Variants in SLC5A11 observed in about 807,000 individuals in gnomAD.
The protein encoded by SLC5A11 is solute carrier family 5 member 11.
Under a neutral mutation model 69.8 loss-of-function variants are expected in SLC5A11, and 48 were observed. That is an observed-to-expected ratio of 0.69 (90% CI 0.55 to 0.87). SLC5A11 has a LOEUF of 0.87. Among genes scored for constraint, SLC5A11 ranks in the 40% least tolerant of loss-of-function variants. SLC5A11 has a pLI of 0.00. For synonymous variants in SLC5A11, 319 were observed against 342.4 expected, an observed-to-expected ratio of 0.93 and a Z score of 0.75; for missense variants, 784 against 866.1, an observed-to-expected ratio of 0.91 and a Z score of 1.19.
Position 24,889,614 on chromosome 16 carries a change from G to A in SLC5A11, c.665-1255G>A, listed in dbSNP as rs559016345. On this transcript the variant is annotated intron_variant, in intron 8 of 15. Transcript: ENST00000347898. ...GTCACGCAGGCTGGAATGCAGTGGC[G>A]CAATCTTGCCTCACTGCAACCTCTA... Among the ~76,000 whole-genome samples the A allele has an allele frequency of 1.7e-4, 23 of 134,868 alleles. No individual in the cohort carries two copies. In the South Asian group the frequency reaches 1.7e-3, roughly 10 times the overall value. 88.5% of individuals were successfully genotyped at this position (134,868 alleles called of 152,430 possible).
intron 8 of SLC5A11, among the ~76,000 whole-genome samples, chr16:24,884,523 T>G (rs867160782): frequency 0.018 from 2,618 of 147,766 alleles, 92 homozygotes; most frequent in African/African-American, 0.062. Context: ...GTTTTTTTTT[T>G]TTTTTTTTGT....
chr16:24,910,726 T>C, intron 15 of SLC5A11, among the ~76,000 whole-genome samples: 1 of 152,160 alleles, frequency 6.6e-6, no homozygotes, highest in African/African-American at 2.4e-5. Flanking sequence ...GAGACACGGT[T>C]GGTTCATTTC....
At chr16:24,906,521 T>A (rs1382911523) in intron 10 of SLC5A11, 136 bp from the exon 12 acceptor site, 1 of 455,360 alleles carries the variant, frequency 2.2e-6, no homozygotes, top group African/African-American at 2.0e-5. Context: ...GGTCACAGCT[T>A]ATAAAGTCTA....
rs535368678 is a variant in SLC5A11, at chr16:24,884,239, A to G, written c.664+108A>G. On this transcript the variant is annotated intron_variant, in intron 8 of 15. Transcript: ENST00000347898. ...AAACCTAGCTGTCAAAGAGCATACTACTGGGGAATTTTTTGTCACAGGTGC... is the reference window on the plus strand; with the variant it reads ...AAACCTAGCTGTCAAAGAGCATACTGCTGGGGAATTTTTTGTCACAGGTGC... 5.2e-5 allele frequency: 55 copies of G among 1,061,150 alleles called. No homozygotes were observed. In the African/African-American group the frequency reaches 6.7e-4, roughly 13 times the overall value. The allele number at this position is 1,061,150 out of a possible 1,614,324, so 65.7% of individuals were successfully genotyped here. A position where few individuals can be genotyped will look rare whatever the true frequency, so the allele number is the denominator to read the frequency against.
chr16:24,895,445 C>T (rs778265823), intron 9 of SLC5A11, among the ~76,000 whole-genome samples: 1 of 151,174 alleles, frequency 6.6e-6, no homozygotes, highest in Non-Finnish European at 1.5e-5. Context: ...GCAGAGATCC[C>T]AGCACTGTAC....
At chr16:24,895,104 G>A (rs1567668676) in intron 9 of SLC5A11, among the ~76,000 whole-genome samples, 2 of 151,516 alleles carry the variant, frequency 1.3e-5, no homozygotes, top group Non-Finnish European at 1.5e-5. Context: ...CAATCTGGGT[G>A]ATAGAGTGAG....
chr16:24,849,897 C>T (rs895637904), intron 1 of SLC5A11, among the ~76,000 whole-genome samples: 1 of 151,700 alleles, frequency 6.6e-6, no homozygotes, highest in Non-Finnish European at 1.5e-5. Flanking sequence ...GTGATCCTGG[C>T]CTCTGCTTCA....
chr16:24,878,544 C>A (rs2047836314), intron 7 of SLC5A11, among the ~76,000 whole-genome samples: 1 of 152,178 alleles, frequency 6.6e-6, no homozygotes, highest in Non-Finnish European at 1.5e-5. Context: ...GACACAAACA[C>A]ACTGGTATCT....
chr16:24,908,227 C>A, intron 13 of SLC5A11, 96 bp downstream of exon 14: 1 of 1,399,992 alleles, frequency 7.1e-7, no homozygotes, highest in Non-Finnish European at 9.6e-7. Context: ...GAGACACAGG[C>A]TGGAATTGGG....
At chr16:24,905,188 C>T (rs1052061260) in intron 10 of SLC5A11, among the ~76,000 whole-genome samples, 1 of 149,290 alleles carries the variant, frequency 6.7e-6, no homozygotes, top group Admixed American at 6.8e-5. Context: ...CTTTGGGAAG[C>T]CAAGGCGGGA....
chr16:24,891,871 G>T (rs1176981710), intron 9 of SLC5A11, among the ~76,000 whole-genome samples: 1 of 151,912 alleles, frequency 6.6e-6, no homozygotes, highest in African/African-American at 2.4e-5. Context: ...TATGTGAGAT[G>T]TTAAAGTTTG....
chr16:24,878,061 G>A (rs1351792701), intron 7 of SLC5A11, among the ~76,000 whole-genome samples: 2 of 152,136 alleles, frequency 1.3e-5, no homozygotes, highest in Non-Finnish European at 1.5e-5. Context: ...GCTGAGGCAG[G>A]AGAATCGCTT....
At chr16:24,898,237 A>AATGAGACTCT in intron 10 of SLC5A11, 128 bp downstream of exon 11, 14 of 1,263,426 alleles carry the variant, frequency 1.1e-5, no homozygotes, top group Non-Finnish European at 1.4e-5. Flanking sequence ...TCTAAGACAG[A>AATGAGACTCT]GTCTCATTCT....
chr16:24,858,687 C>A (rs1465748457), exon 2 of SLC5A11: 2 of 1,611,610 alleles, frequency 1.2e-6, no homozygotes, highest in Non-Finnish European at 1.7e-6. Context: ...CAGTTAGATC[C>A]CCTGGATGCG....
intron 9 of SLC5A11, among the ~76,000 whole-genome samples, chr16:24,891,927 G>A (rs1280864261): frequency 6.6e-6 from 1 of 151,692 alleles, no homozygotes; most frequent in Admixed American, 6.6e-5. Flanking sequence ...GAGATTGAGA[G>A]TGTGGGAGTG....
intron 1 of SLC5A11, among the ~76,000 whole-genome samples, chr16:24,856,371 C>T (rs1244650478): frequency 6.6e-6 from 1 of 152,010 alleles, no homozygotes; most frequent in Non-Finnish European, 1.5e-5. Context: ...GGCTGGTAAT[C>T]CCAGCACTTT....
chr16:24,905,640 G>GCGCGCGCGCGCGCACA (rs1443035551), intron 10 of SLC5A11, among the ~76,000 whole-genome samples: 2 of 136,698 alleles, frequency 1.5e-5, no homozygotes, highest in African/African-American at 5.6e-5. Context: ...GCGCGCGCGC[G>GCGCGCGCGCGCGCACA]CACACACACA....
intron 4 of SLC5A11, among the ~76,000 whole-genome samples, chr16:24,871,762 T>C (rs1555523606): frequency 6.6e-6 from 1 of 152,164 alleles, no homozygotes; most frequent in Non-Finnish European, 1.5e-5. Context: ...GGCACTGATA[T>C]GCCCATTTTC....
intron 8 of SLC5A11, among the ~76,000 whole-genome samples, chr16:24,884,937 T>A (rs1179332030): frequency 6.6e-6 from 1 of 151,116 alleles, no homozygotes; most frequent in Non-Finnish European, 1.5e-5. Flanking sequence ...TAGATGGGGT[T>A]TCGTCATGTT....
Sources: gnomAD v4.1 joint callset for allele counts (sites outside exome capture counted in the v4.1 genomes callset) on GRCh38, gnomAD v4.1.1 for gene constraint, MANE v1.5 for transcripts, NCBI Gene and HGNC (gene_info 2026-07-23, HGNC 2026-07-21) for gene names.